Variants in C10orf67 observed in about 807,000 individuals in gnomAD.
C10orf67 encodes the protein chromosome 10 open reading frame 67.
C10orf67 carries 60 observed loss-of-function variants against 35.6 expected under a neutral mutation model. The observed-to-expected ratio is 1.68, with a 90% CI of 1.37 to 2.09. The LOEUF (loss-of-function observed/expected upper bound fraction) is 2.09, where lower values mean the gene tolerates loss of function less well. Ranked by LOEUF, C10orf67 falls within the 30% of genes most tolerant of loss-of-function variation. The pLI is 0.00. For synonymous variants in C10orf67, 167 were observed against 115.8 expected (o/e 1.44, Z -2.84); for missense variants, 474 against 330.2 (o/e 1.44, Z -3.38).
intron 2 of C10orf67, among the ~76,000 whole-genome samples, chr10:23,328,377 T>A (rs938499940): frequency 2.6e-5 from 4 of 152,066 alleles, no homozygotes; most frequent in African/African-American, 9.7e-5. Context: ...CTATGGAAAG[T>A]TTTTGCTTTC....
Position 23,318,930 on chromosome 10 carries a change from C to T in C10orf67, c.546+1811G>A, listed in dbSNP as rs779938635. The T allele has an allele frequency of 3.6e-5, 28 of 774,914 alleles. 1 individual carries two copies. The highest frequency in any genetic ancestry group is 3.2e-4 in the South Asian group (23 of 72,846). The allele number at this position is 774,914 out of a possible 1,614,324, so 48.0% of individuals were successfully genotyped here. On this transcript the variant is annotated intron_variant, in intron 4 of 15. Coordinates refer to ENST00000636213, the MANE Select transcript of C10orf67 (RefSeq NM_001371909.1). ...TGGTTTCACAGTGGCTGCAGCAAAT[C>T]CAAGCATCAGAAGGAGACATAAAAT...
At chr10:23,207,151 C>CTTTTTTT (rs10718721) in intron 15 of C10orf67, among the ~76,000 whole-genome samples, 2 of 139,438 alleles carry the variant, frequency 1.4e-5, no homozygotes, top group African/African-American at 2.7e-5. Flanking sequence ...TTCCTAAAGG[C>CTTTTTTT]TTTTTTTTTT....
At chr10:23,279,107 T>A (rs7909029) in intron 8 of C10orf67, among the ~76,000 whole-genome samples, 29,193 of 152,164 alleles carry the variant, frequency 0.19, 3,093 homozygotes, top group Admixed American at 0.29. Context: ...AATGTTATTT[T>A]AAAAATTAGA....
At chr10:23,209,519 G>GGTA (rs372110709) in intron 15 of C10orf67, among the ~76,000 whole-genome samples, 2 of 152,182 alleles carry the variant, frequency 1.3e-5, no homozygotes, top group African/African-American at 4.8e-5. Flanking sequence ...TTGCTAAGAG[G>GGTA]GTAGGTAGCT....
chr10:23,248,183 C>A (rs1564470777), intron 12 of C10orf67, among the ~76,000 whole-genome samples: 1 of 152,122 alleles, frequency 6.6e-6, no homozygotes, highest in Non-Finnish European at 1.5e-5. Flanking sequence ...TCCATCTGGC[C>A]CAGAGCCCAT....
chr10:23,292,332 A>G (rs1843747359), intron 5 of C10orf67, among the ~76,000 whole-genome samples: 1 of 151,898 alleles, frequency 6.6e-6, no homozygotes, highest in Non-Finnish European at 1.5e-5. Context: ...TTATTGTGGT[A>G]TGATATTAAA....
At chr10:23,336,770 C>T (rs1756410407) in intron 1 of C10orf67, among the ~76,000 whole-genome samples, 6 of 152,072 alleles carry the variant, frequency 3.9e-5, no homozygotes, top group Admixed American at 3.9e-4. Context: ...GCCTCGGCCT[C>T]CCAAAGTGCT....
intron 5 of C10orf67, among the ~76,000 whole-genome samples, 175 bp downstream of exon 5, chr10:23,303,129 T>C (rs1366717977): frequency 1.3e-5 from 2 of 152,334 alleles, no homozygotes; most frequent in Middle Eastern, 3.4e-3. Context: ...ATTCATATTG[T>C]TATGGGTTTT....
intron 10 of C10orf67, chr10:23,258,578 T>A (rs538259967): frequency 6.1e-6 from 1 of 165,124 alleles, no homozygotes; most frequent in East Asian, 1.4e-4. Flanking sequence ...AGAGTCACAG[T>A]GGAACTGTAC....
At chr10:23,308,766 A>T (rs181160014) in intron 4 of C10orf67, among the ~76,000 whole-genome samples, 20 of 152,280 alleles carry the variant, frequency 1.3e-4, no homozygotes, top group African/African-American at 4.6e-4. Context: ...ATTAATAATA[A>T]TACCTGAATT....
intron 13 of C10orf67, among the ~76,000 whole-genome samples, chr10:23,225,350 AAAAGAGCTCCTG>A (rs1841706378): frequency 1.3e-5 from 2 of 152,200 alleles, no homozygotes; most frequent in Non-Finnish European, 2.9e-5. Flanking sequence ...GGCCTGCCCT[AAAAGAGCTCCTG>A]AAGGAAGTGC....
rs192695716 is a variant in C10orf67, at chr10:23,333,152, G to C, written c.237C>G (p.Gly79=). 12 of 1,606,846 alleles carry C rather than the reference G, an allele frequency of 7.5e-6. No individual in the cohort carries two copies. The East Asian group carries it at 2.5e-4, about 33-fold the overall frequency. The part of the protein sequence containing the change: ...RLNISDDLKI[G]FFSTDHATQT... ...GAGTGGCATGGTCTGTGCTGAAAAA[G>C]CCAATCTTTAAATCATCTGAAATGT... is the stretch of plus-strand genomic sequence containing the variant. Residue 79 remains glycine, a synonymous_variant, in exon 2 of 16, where the codon GGC becomes GGG. Coordinates refer to ENST00000636213, the MANE Select transcript of C10orf67 (RefSeq NM_001371909.1).
intron 1 of C10orf67, among the ~76,000 whole-genome samples, chr10:23,342,885 G>A (rs1701538882): frequency 6.6e-6 from 1 of 152,226 alleles, no homozygotes; most frequent in African/African-American, 2.4e-5. Flanking sequence ...TCTGTGTGAG[G>A]GGCTTGCCCC....
At position 23,336,638 on chromosome 10, in the gene C10orf67, C is replaced by T. The variant is rs192059237; in HGVS notation, c.207-3456G>A. ...CAAGTGATTCTCACGCCTCAGTCTC[C>T]GAAGTGGCTGGGATTACAGGTGTGG... On this transcript the variant is annotated intron_variant, in intron 1 of 15. Coordinates refer to ENST00000636213, the MANE Select transcript of C10orf67 (RefSeq NM_001371909.1). 4.5e-3 allele frequency among the ~76,000 whole-genome samples: 686 copies of T among 152,226 alleles called. 3 individuals carry two copies. The highest frequency in any genetic ancestry group is 6.1e-3 in the Non-Finnish European group (418 of 68,016).
At chr10:23,228,192 C>G (rs980365663) in intron 13 of C10orf67, among the ~76,000 whole-genome samples, 12 of 152,286 alleles carry the variant, frequency 7.9e-5, no homozygotes, top group African/African-American at 2.2e-4. Context: ...TCAAACTATA[C>G]TACAAGGCTA....
chr10:23,329,421 C>T lies in C10orf67; in HGVS notation c.327+3641G>A, dbSNP rs539985887. ...TACATACATAACAAAATAACAATAG[C>T]AATAAAAATAAGCACAGTTTTACAT... On this transcript the variant is annotated intron_variant, in intron 2 of 15. Transcript: ENST00000636213. Among the ~76,000 whole-genome samples the T allele has an allele frequency of 1.3e-4, 20 of 151,840 alleles. 1 individual carries two copies. Among genetic ancestry groups the T allele is most frequent in the Admixed American group, 1.2e-3 (18 of 15,240 alleles).
At chr10:23,262,015 G>C (rs1842762296) in intron 10 of C10orf67, among the ~76,000 whole-genome samples, 1 of 152,164 alleles carries the variant, frequency 6.6e-6, no homozygotes, top group Non-Finnish European at 1.5e-5. Context: ...GAGAGACTAG[G>C]ATTGGAGAAA....
intron 4 of C10orf67, chr10:23,319,032 G>T: frequency 4.3e-6 from 3 of 693,638 alleles, no homozygotes; most frequent in Non-Finnish European, 5.3e-6. Flanking sequence ...GGTTCAGAGG[G>T]TACATGTACA....
intron 1 of C10orf67, among the ~76,000 whole-genome samples, chr10:23,340,519 T>C (rs1051307751): frequency 2.6e-5 from 4 of 152,082 alleles, no homozygotes; most frequent in African/African-American, 7.2e-5. Context: ...CAGCCGGAAA[T>C]GGCAGATTCT....
Sources: allele counts gnomAD v4.1 joint callset (sites outside exome capture counted in the v4.1 genomes callset), GRCh38; gene constraint gnomAD v4.1.1; transcripts MANE v1.5; gene names NCBI Gene and HGNC (gene_info 2026-07-23, HGNC 2026-07-21).